The following PTPRT variants were observed in gnomAD, a reference collection of about 807,000 sequenced individuals.
PTPRT encodes the protein receptor-type tyrosine-protein phosphatase T.
Under a neutral mutation model 176.8 loss-of-function variants are expected in PTPRT, and 56 were observed. That is an observed-to-expected ratio of 0.32 (90% CI 0.26 to 0.40). PTPRT has a LOEUF of 0.40. Among genes scored for constraint, PTPRT ranks in the 10% least tolerant of loss-of-function variants. PTPRT has a pLI of 1.00. For synonymous variants in PTPRT, 783 were observed against 739.0 expected, an observed-to-expected ratio of 1.06 and a Z score of -0.96; for missense variants, 1,540 against 1,908.2, an observed-to-expected ratio of 0.81 and a Z score of 3.60.
At chr20:42,222,045 GC>G (rs1213002417) in intron 15 of PTPRT, among the ~76,000 whole-genome samples, 3 of 152,158 alleles carry the variant, frequency 2.0e-5, no homozygotes, top group Admixed American at 2.0e-4. Flanking sequence ...GTAAGGGCTA[GC>G]TTTGGACCCT....
intron 7 of PTPRT, among the ~76,000 whole-genome samples, chr20:42,630,107 T>C (rs2074375416): frequency 6.6e-6 from 1 of 152,118 alleles, no homozygotes; most frequent in African/African-American, 2.4e-5. Flanking sequence ...AGTGTCCTTG[T>C]AAATGAAAGT....
At chr20:42,588,317 G>A (rs567045617) in intron 7 of PTPRT, among the ~76,000 whole-genome samples, 142 of 152,204 alleles carry the variant, frequency 9.3e-4, no homozygotes, top group Middle Eastern at 3.4e-3. Flanking sequence ...GGTGGTGCAC[G>A]CCAGTAATCC....
At position 42,525,656 on chromosome 20, in the gene PTPRT, G is replaced by A. The variant is rs141105084; in HGVS notation, c.1154-53094C>T. 3.4e-3 allele frequency among the ~76,000 whole-genome samples: 517 copies of A among 152,228 alleles called. 2 individuals are homozygous for A. The highest frequency in any genetic ancestry group is 0.011 in the African/African-American group (476 of 41,520). On this transcript the variant is annotated intron_variant, in intron 7 of 30. Transcript: ENST00000373187. ...ATTGGCCATAGTGAAAGTAAGTTGG[G>A]TAATTTCCACATTTCCATTTCCCTA...
At chr20:42,759,045 A>T (rs1042247813) in intron 5 of PTPRT, among the ~76,000 whole-genome samples, 19 of 152,180 alleles carry the variant, frequency 1.2e-4, no homozygotes, top group African/African-American at 4.6e-4. Context: ...AATTCCGGCA[A>T]ACACCAGGAA....
intron 11 of PTPRT, among the ~76,000 whole-genome samples, chr20:42,336,665 A>C (rs1002502269): frequency 4.6e-5 from 7 of 152,196 alleles, no homozygotes; most frequent in Non-Finnish European, 7.3e-5. Flanking sequence ...CAATACCAAA[A>C]GAAAAACATG....
the PTPRT span, among the ~76,000 whole-genome samples, chr20:42,045,287 A>G: frequency 1.3e-5 from 2 of 152,056 alleles, no homozygotes; most frequent in Non-Finnish European, 2.9e-5. Context: ...AGACCATCAC[A>G]GTGATTGCAA....
chr20:42,796,750 G>C (rs1302750946), intron 2 of PTPRT, among the ~76,000 whole-genome samples: 1 of 152,210 alleles, frequency 6.6e-6, no homozygotes, highest in Admixed American at 6.5e-5. Flanking sequence ...AGCTTTGACA[G>C]GCAGTTCAAC....
intron 15 of PTPRT, among the ~76,000 whole-genome samples, chr20:42,208,291 A>G (rs2055526223): frequency 6.8e-6 from 1 of 147,330 alleles, no homozygotes; most frequent in Non-Finnish European, 1.5e-5. Context: ...CACACATAAC[A>G]ATATTAACTT....
intron 2 of PTPRT, among the ~76,000 whole-genome samples, chr20:42,836,893 C>T (rs1262477252): frequency 6.6e-6 from 1 of 152,152 alleles, no homozygotes; most frequent in Non-Finnish European, 1.5e-5. Flanking sequence ...TACGTGCTAC[C>T]ATCCCCATAT....
chr20:42,311,915 CTT>C (rs1302966678), intron 12 of PTPRT, among the ~76,000 whole-genome samples: 1 of 152,152 alleles, frequency 6.6e-6, no homozygotes, highest in East Asian at 1.9e-4. Flanking sequence ...TGTATTCCCT[CTT>C]GTCTAACATG....
chr20:42,399,993 G>T (rs2058889831), intron 9 of PTPRT, among the ~76,000 whole-genome samples: 1 of 152,166 alleles, frequency 6.6e-6, no homozygotes, highest in Non-Finnish European at 1.5e-5. Context: ...GAGTCCAGAT[G>T]TTCATTCCAG....
At chr20:42,395,235 T>C (rs2058838240) in intron 9 of PTPRT, among the ~76,000 whole-genome samples, 1 of 152,198 alleles carries the variant, frequency 6.6e-6, no homozygotes, top group Non-Finnish European at 1.5e-5. Flanking sequence ...ATAACCCTGC[T>C]TCCTGTTTCA....
intron 1 of PTPRT, among the ~76,000 whole-genome samples, chr20:43,188,238 C>A (rs912126777): frequency 1.3e-5 from 2 of 152,146 alleles, no homozygotes; most frequent in Non-Finnish European, 2.9e-5. Context: ...TGTGCACCAT[C>A]TTTAGAATGG....
intron 1 of PTPRT, among the ~76,000 whole-genome samples, chr20:43,155,505 T>C (rs1350950745): frequency 6.6e-6 from 1 of 152,202 alleles, no homozygotes; most frequent in Non-Finnish European, 1.5e-5. Context: ...GACAGTAGAA[T>C]GATGGTACGA....
chr20:42,320,831 G>A (rs2057790679), intron 11 of PTPRT, among the ~76,000 whole-genome samples: 1 of 152,200 alleles, frequency 6.6e-6, no homozygotes, highest in Non-Finnish European at 1.5e-5. Context: ...GTCTGCACCA[G>A]AGAGACATAA....
chr20:42,837,448 CT>C (rs1412675896), intron 2 of PTPRT, among the ~76,000 whole-genome samples: 1 of 152,216 alleles, frequency 6.6e-6, no homozygotes, highest in Non-Finnish European at 1.5e-5. Context: ...GAGAGCTCAT[CT>C]TTTCCTCCAC....
chr20:43,139,513 C>A (rs982143405), intron 1 of PTPRT, among the ~76,000 whole-genome samples: 1 of 152,194 alleles, frequency 6.6e-6, no homozygotes, highest in Non-Finnish European at 1.5e-5. Flanking sequence ...ACTTGCCACC[C>A]GCAGTGGCAG....
At chr20:42,367,211 C>T (rs542015882) in intron 9 of PTPRT, among the ~76,000 whole-genome samples, 3 of 152,298 alleles carry the variant, frequency 2.0e-5, no homozygotes, top group Admixed American at 6.5e-5. Context: ...CAATAATATT[C>T]GATTCCATCA....
At chr20:42,302,370 C>T (rs1026049631) in intron 12 of PTPRT, among the ~76,000 whole-genome samples, 1 of 152,144 alleles carries the variant, frequency 6.6e-6, no homozygotes, top group Admixed American at 6.5e-5. Flanking sequence ...GAACCAACAC[C>T]GGGATTGTCT....
Sources: allele counts gnomAD v4.1 joint callset (sites outside exome capture counted in the v4.1 genomes callset), GRCh38; gene constraint gnomAD v4.1.1; transcripts MANE v1.5; gene names NCBI Gene and HGNC (gene_info 2026-07-23, HGNC 2026-07-21).